Variants in CHL1 observed in about 807,000 individuals in gnomAD.
CHL1 encodes neural cell adhesion molecule L1-like protein.
Under a neutral mutation model 141.9 loss-of-function variants are expected in CHL1, and 96 were observed. The observed-to-expected ratio is 0.68, with a 90% CI of 0.57 to 0.80. The LOEUF (loss-of-function observed/expected upper bound fraction) is 0.80, where lower values mean the gene tolerates loss of function less well. CHL1 is among the 30% of genes least tolerant of loss of function. The pLI is 0.00. For synonymous variants in CHL1, 613 were observed against 502.2 expected (o/e 1.22, Z -2.95); for missense variants, 1,820 against 1,457.2 (o/e 1.25, Z -4.05).
intron 15 of CHL1, among the ~76,000 whole-genome samples, chr3:374,573 C>A (rs939919948): frequency 3.9e-5 from 6 of 152,166 alleles, no homozygotes; most frequent in Non-Finnish European, 7.3e-5. Context: ...GATCCCAGAG[C>A]TGACACTGAA....
At position 377,316 on chromosome 3, in the gene CHL1, G is replaced by C. The variant is rs537435276; in HGVS notation, c.1752-502G>C. Among the ~76,000 whole-genome samples the C allele has an allele frequency of 4.6e-5, 7 of 152,298 alleles. 1 individual carries two copies. The South Asian group carries it at 1.5e-3, about 32-fold the overall frequency. On this transcript the variant is annotated intron_variant, in intron 15 of 27. Transcript: ENST00000256509. ...TCTGATCTTAATGTGCATTGTACTT[G>C]GGAGTGGAGGGGCGGAGAAAAGAGA...
At chr3:209,135 T>C (rs1699688274) in intron 1 of CHL1, among the ~76,000 whole-genome samples, 1 of 152,236 alleles carries the variant, frequency 6.6e-6, no homozygotes, top group Non-Finnish European at 1.5e-5. Context: ...TAGATCTCTT[T>C]CTTGGCAAAA....
chr3:371,275 G>C (rs529972639), intron 15 of CHL1, among the ~76,000 whole-genome samples: 1 of 152,296 alleles, frequency 6.6e-6, no homozygotes, highest in African/African-American at 2.4e-5. Flanking sequence ...CTTGTTTTAT[G>C]AATCTGGGTG....
chr3:382,806 G>A (rs921701973), intron 18 of CHL1, 135 bp downstream of exon 18: 3 of 747,452 alleles, frequency 4.0e-6, no homozygotes. Context: ...TCTCTAAACA[G>A]CACACAAAAT....
At chr3:382,917 T>C (rs1707239755) in intron 18 of CHL1, among the ~76,000 whole-genome samples, 1 of 152,224 alleles carries the variant, frequency 6.6e-6, no homozygotes, top group South Asian at 2.1e-4. Flanking sequence ...TTCAGTAATT[T>C]TGTGATGGCT....
intron 26 of CHL1, 81 bp downstream of exon 26, chr3:399,229 A>G: frequency 2.6e-6 from 3 of 1,139,926 alleles, no homozygotes; most frequent in Non-Finnish European, 3.9e-6. Context: ...ACTTTTTTTA[A>G]AAATACACAT....
At chr3:197,840 T>C (rs1698502286) in intron 1 of CHL1, 2 of 454,724 alleles carry the variant, frequency 4.4e-6, no homozygotes, top group Admixed American at 4.7e-5. Flanking sequence ...GGATGGTCCC[T>C]TCTTCCTCTT....
chr3:364,041 T>C (rs1704564377), intron 14 of CHL1: 1 of 152,190 alleles, frequency 6.6e-6, no homozygotes. Flanking sequence ...AGGGAGAGCA[T>C]ATTTGTTTGA....
rs1048200880 is a variant in CHL1, at chr3:407,968, C to T, written c.*2257C>T. On this transcript the variant is annotated 3_prime_UTR_variant, in exon 28 of 28. Coordinates refer to ENST00000256509, the MANE Select transcript of CHL1 (RefSeq NM_006614.4). ...CTTTGCTATCATTGTTACCTTTCCT[C>T]AATACTATTTGGCAACTACTGGGAC... is the stretch of plus-strand genomic sequence containing the variant. 2.0e-5 allele frequency: 3 copies of T among 152,014 alleles called. No homozygotes were observed. Among genetic ancestry groups the T allele is most frequent in the Non-Finnish European group, 2.9e-5 (2 of 67,980 alleles). 9.4% of individuals were successfully genotyped at this position (152,014 alleles called of 1,614,324 possible).
intron 1 of CHL1, among the ~76,000 whole-genome samples, chr3:216,722 G>A (rs865838773): frequency 4.1e-4 from 62 of 152,332 alleles, no homozygotes; most frequent in African/African-American, 1.3e-3. Flanking sequence ...ACATTTTTAA[G>A]AGAGGCTGCT....
intron 2 of CHL1, among the ~76,000 whole-genome samples, chr3:254,690 G>T (rs408777): frequency 1.3e-5 from 2 of 152,182 alleles, no homozygotes; most frequent in African/African-American, 4.8e-5. Context: ...CAAGGCATCA[G>T]CATCTGGTGA....
intron 16 of CHL1, among the ~76,000 whole-genome samples, chr3:381,249 C>T (rs78420322): frequency 0.035 from 5,298 of 152,172 alleles, 152 homozygotes; most frequent in African/African-American, 0.083. Flanking sequence ...ACAAAGAACC[C>T]CAGACCCCAG....
chr3:258,623 G>A (rs187298477), intron 2 of CHL1, among the ~76,000 whole-genome samples: 4 of 152,076 alleles, frequency 2.6e-5, no homozygotes, highest in East Asian at 3.9e-4. Flanking sequence ...CAACTTTTCC[G>A]TCCATGAGAT....
Position 390,793 on chromosome 3 carries a change from C to T in CHL1, c.2563C>T (p.His855Tyr), listed in dbSNP as rs777649357. The T allele has an allele frequency of 6.2e-7, 1 of 1,607,372 alleles. No homozygotes were observed. Residue 855 changes from histidine to tyrosine, a missense_variant, in exon 21 of 28, where the codon CAT becomes TAT. By Grantham distance (83) the His-to-Tyr change is moderately conservative (BLOSUM62 2). Transcript: ENST00000256509. Reference sequence around the variant, plus strand: ...GTCAACAGTTCCAAAGGACAGAGTACATGGACGTCTGAAAGGCTATCAGGT... The same window carrying T: ...GTCAACAGTTCCAAAGGACAGAGTATATGGACGTCTGAAAGGCTATCAGGT... ...TWSTVPKDRVHGRLKGYQINW... is the reference protein window; with the variant it reads ...TWSTVPKDRVYGRLKGYQINW...
rs879326267 is a variant in CHL1, at chr3:409,083, TTAATTA to T, written c.*3377_*3382del. ...ATATGATTCATGTAACAATGTTAAATTAATTATAATGGGATTGGGTTTGTTATCTGT... is the reference window on the plus strand; with the variant it reads ...ATATGATTCATGTAACAATGTTAAATTAATGGGATTGGGTTTGTTATCTGT... On this transcript the variant is annotated 3_prime_UTR_variant, in exon 28 of 28. Transcript: ENST00000256509. 3 of 152,098 alleles carry T rather than the reference TTAATTA, an allele frequency of 2.0e-5. No homozygotes were observed. The highest frequency in any genetic ancestry group is 4.4e-5 in the Non-Finnish European group (3 of 67,994). The allele number at this position is 152,098 out of a possible 1,614,324, so 9.4% of individuals were successfully genotyped here.
intron 1 of CHL1, among the ~76,000 whole-genome samples, chr3:228,820 G>A (rs1357496605): frequency 6.6e-6 from 1 of 152,094 alleles, no homozygotes; most frequent in Non-Finnish European, 1.5e-5. Flanking sequence ...AAAATAGAAT[G>A]TCTTCTGGTT....
intron 26 of CHL1, among the ~76,000 whole-genome samples, chr3:399,416 C>T (rs1018480956): frequency 2.6e-5 from 4 of 151,954 alleles, no homozygotes; most frequent in East Asian, 1.9e-4. Context: ...CCGAGGTGGG[C>T]GGATCATGAG....
intron 2 of CHL1, among the ~76,000 whole-genome samples, chr3:257,606 C>A (rs1260538997): frequency 6.6e-6 from 1 of 152,072 alleles, no homozygotes; most frequent in African/African-American, 2.4e-5. Context: ...ACTGCCTCGG[C>A]CTCCCTAAGT....
At chr3:374,511 C>T (rs562399324) in intron 15 of CHL1, among the ~76,000 whole-genome samples, 2 of 152,270 alleles carry the variant, frequency 1.3e-5, no homozygotes, top group Non-Finnish European at 2.9e-5. Flanking sequence ...GGCTTTGACC[C>T]CAGAAGCCCT....
Sources: allele counts gnomAD v4.1 joint callset (sites outside exome capture counted in the v4.1 genomes callset), GRCh38; gene constraint gnomAD v4.1.1; transcripts MANE v1.5; gene names NCBI Gene and HGNC (gene_info 2026-07-23, HGNC 2026-07-21).